ASAP1: variants seen among roughly 807,000 people sequenced by gnomAD.
ASAP1 encodes the protein arf-GAP with SH3 domain, ANK repeat and PH domain-containing protein 1.
ASAP1 carries 43 observed loss-of-function variants against 145.2 expected under a neutral mutation model. The ratio of observed to expected loss-of-function variants is 0.30; its 90% confidence interval spans 0.23 to 0.38. The LOEUF (loss-of-function observed/expected upper bound fraction) is 0.38, where lower values mean the gene tolerates loss of function less well. Among genes scored for constraint, ASAP1 ranks in the 10% least tolerant of loss-of-function variants. The pLI is 1.00. For synonymous variants in ASAP1, 546 were observed against 515.5 expected (o/e 1.06, Z -0.80); for missense variants, 1,018 against 1,355.3 (o/e 0.75, Z 3.91).
chr8:130,101,172 G>A (rs1197018738), intron 24 of ASAP1, among the ~76,000 whole-genome samples: 1 of 152,110 alleles, frequency 6.6e-6, no homozygotes, highest in Non-Finnish European at 1.5e-5. Flanking sequence ...AAGCTGTTCT[G>A]GTTACTATAG....
intron 12 of ASAP1, among the ~76,000 whole-genome samples, chr8:130,159,549 G>GAAAAAAAAAAAAA (rs869060434): frequency 1.2e-5 from 1 of 84,164 alleles, no homozygotes. Flanking sequence ...GTGAACTCAG[G>GAAAAAAAAAAAAA]AAAAAAAAAA....
At chr8:130,111,210 C>CAAAAA (rs768575084) in intron 24 of ASAP1, among the ~76,000 whole-genome samples, 7 of 41,696 alleles carry the variant, frequency 1.7e-4, no homozygotes, top group South Asian at 1.8e-3. Flanking sequence ...TCATCTCTAC[C>CAAAAA]AAAAAAAAAA....
At chr8:130,202,735 C>T (rs1815946827) in intron 5 of ASAP1, among the ~76,000 whole-genome samples, 1 of 152,164 alleles carries the variant, frequency 6.6e-6, no homozygotes, top group Admixed American at 6.5e-5. Flanking sequence ...ATGAATGAAT[C>T]TGCCTCAGGT....
intron 2 of ASAP1, among the ~76,000 whole-genome samples, chr8:130,372,748 T>G (rs1037432265): frequency 6.6e-6 from 1 of 152,190 alleles, no homozygotes; most frequent in Non-Finnish European, 1.5e-5. Flanking sequence ...GGGCAAAAAT[T>G]CTGGTTTTAT....
chr8:130,266,319 G>T (rs1438425498), intron 3 of ASAP1, among the ~76,000 whole-genome samples: 2 of 152,110 alleles, frequency 1.3e-5, no homozygotes, highest in Non-Finnish European at 2.9e-5. Flanking sequence ...GCTGCAAAGT[G>T]ATTGTATACA....
intron 3 of ASAP1, chr8:130,246,861 C>T (rs1818884151): frequency 6.6e-6 from 1 of 152,176 alleles, no homozygotes; most frequent in Admixed American, 6.6e-5. Context: ...CAGTAGAATC[C>T]TTGATGGTCC....
chr8:130,228,710 A>G (rs1022541141), intron 4 of ASAP1, among the ~76,000 whole-genome samples: 1 of 151,826 alleles, frequency 6.6e-6, no homozygotes, highest in Non-Finnish European at 1.5e-5. Context: ...TAAAAAAAAA[A>G]AAAAAGAAAA....
At chr8:130,303,412 G>T (rs1052378107) in intron 3 of ASAP1, among the ~76,000 whole-genome samples, 2 of 152,082 alleles carry the variant, frequency 1.3e-5, no homozygotes, top group African/African-American at 4.8e-5. Flanking sequence ...GTACTGCAGG[G>T]TGTTTAGTAG....
At chr8:130,200,139 C>T (rs1815772424) in intron 5 of ASAP1, among the ~76,000 whole-genome samples, 1 of 152,144 alleles carries the variant, frequency 6.6e-6, no homozygotes, top group African/African-American at 2.4e-5. Flanking sequence ...GCATTACAAA[C>T]TGAATTAATG....
intron 2 of ASAP1, among the ~76,000 whole-genome samples, chr8:130,378,677 C>T (rs896223593): frequency 2.0e-5 from 3 of 152,162 alleles, no homozygotes; most frequent in Non-Finnish European, 4.4e-5. Context: ...GCAATGGACA[C>T]GAACAGTTTT....
chr8:130,178,183 A>C (rs776056872), intron 9 of ASAP1, among the ~76,000 whole-genome samples: 2 of 152,242 alleles, frequency 1.3e-5, no homozygotes, highest in South Asian at 2.1e-4. Context: ...AGAGTATTTT[A>C]TCTAGTCCAA....
intron 3 of ASAP1, among the ~76,000 whole-genome samples, chr8:130,341,426 G>C (rs1392707586): frequency 6.6e-6 from 1 of 152,178 alleles, no homozygotes; most frequent in Non-Finnish European, 1.5e-5. Flanking sequence ...GGAGACTTGA[G>C]GGTCAGACAG....
chr8:130,249,103 T>C (rs2136828729), intron 3 of ASAP1, among the ~76,000 whole-genome samples: 1 of 152,216 alleles, frequency 6.6e-6, no homozygotes. Flanking sequence ...AGGGCTCCTG[T>C]CTTACTTTAG....
intron 3 of ASAP1, among the ~76,000 whole-genome samples, chr8:130,321,662 G>A (rs895724276): frequency 1.3e-5 from 2 of 152,058 alleles, no homozygotes; most frequent in Non-Finnish European, 2.9e-5. Context: ...GTATTTCCAT[G>A]GTTGCTTAAA....
At chr8:130,249,985 C>A (rs982613570) in intron 3 of ASAP1, among the ~76,000 whole-genome samples, 6 of 152,040 alleles carry the variant, frequency 3.9e-5, no homozygotes, top group African/African-American at 1.4e-4. Context: ...TCTCTCTTAG[C>A]ATGCTAGATT....
At chr8:130,234,473 C>G (rs1374458093) in intron 4 of ASAP1, among the ~76,000 whole-genome samples, 1 of 152,140 alleles carries the variant, frequency 6.6e-6, no homozygotes, top group Non-Finnish European at 1.5e-5. Flanking sequence ...TGCACCCAAA[C>G]TCTGCATACA....
chr8:130,086,760 C>A (rs7830887), intron 25 of ASAP1, among the ~76,000 whole-genome samples: 18,513 of 152,138 alleles, frequency 0.12, 1,265 homozygotes, highest in Non-Finnish European at 0.15. Context: ...GCTATGATCA[C>A]GCCACTGCAC....
chr8:130,420,490 T>C (rs1229928849), intron 1 of ASAP1, among the ~76,000 whole-genome samples: 1 of 152,160 alleles, frequency 6.6e-6, no homozygotes, highest in East Asian at 1.9e-4. Flanking sequence ...GCAGCACTAT[T>C]CACGATGGCC....
chr8:130,094,298 T>C (rs891826681), intron 24 of ASAP1, among the ~76,000 whole-genome samples: 6 of 152,064 alleles, frequency 3.9e-5, no homozygotes, highest in African/African-American at 1.4e-4. Context: ...GCAGCCCTGA[T>C]CTCCTGGGCT....
Sources: allele counts gnomAD v4.1 joint callset (sites outside exome capture counted in the v4.1 genomes callset), GRCh38; gene constraint gnomAD v4.1.1; transcripts MANE v1.5; gene names NCBI Gene and HGNC (gene_info 2026-07-23, HGNC 2026-07-21).